The following RABGAP1L variants were observed in gnomAD, a reference collection of about 807,000 sequenced individuals.
RABGAP1L encodes the protein rab GTPase-activating protein 1-like.
In RABGAP1L, 63 loss-of-function variants were observed where a neutral mutation model predicts 137.7. The ratio of observed to expected loss-of-function variants is 0.46; its 90% CI spans 0.37 to 0.56. The LOEUF is 0.56. Among genes scored for constraint, RABGAP1L ranks in the 20% least tolerant of loss-of-function variants. The probability of loss-of-function intolerance (pLI) is 0.00; values close to 1 mark genes in which losing one functional copy is unlikely to be tolerated. For missense variants in RABGAP1L, 1,095 were observed against 1,244.0 expected (o/e 0.88, Z 1.80); for synonymous variants, 431 against 433.7 (o/e 0.99, Z 0.08).
chr1:174,748,839 C>T (rs989632298), intron 17 of RABGAP1L, among the ~76,000 whole-genome samples: 1 of 151,712 alleles, frequency 6.6e-6, no homozygotes, highest in African/African-American at 2.4e-5. Flanking sequence ...GGTGCCACTG[C>T]ACTCCAGTCT....
intron 13 of RABGAP1L, among the ~76,000 whole-genome samples, chr1:174,606,532 T>C (rs1670808358): frequency 6.6e-6 from 1 of 152,258 alleles, no homozygotes; most frequent in Admixed American, 6.5e-5. Flanking sequence ...TATTTGGCAT[T>C]TGATCAGAGG....
At chr1:174,482,641 G>A (rs911992806) in intron 13 of RABGAP1L, among the ~76,000 whole-genome samples, 2 of 152,026 alleles carry the variant, frequency 1.3e-5, no homozygotes, top group Non-Finnish European at 1.5e-5. Context: ...AGTGTGCCAC[G>A]TAATTTTTGT....
intron 13 of RABGAP1L, among the ~76,000 whole-genome samples, chr1:174,542,162 G>A (rs1366404217): frequency 1.3e-5 from 2 of 152,182 alleles, no homozygotes; most frequent in Admixed American, 1.3e-4. Flanking sequence ...AGTTTCAGAA[G>A]GAATGGTACC....
At chr1:174,465,230 C>T (rs893050953) in intron 13 of RABGAP1L, among the ~76,000 whole-genome samples, 5 of 152,276 alleles carry the variant, frequency 3.3e-5, no homozygotes, top group African/African-American at 1.2e-4. Context: ...GGCGGAGTCT[C>T]GCTCTGTCAC....
At chr1:174,516,298 G>A (rs1662842651) in intron 13 of RABGAP1L, among the ~76,000 whole-genome samples, 1 of 152,080 alleles carries the variant, frequency 6.6e-6, no homozygotes, top group African/African-American at 2.4e-5. Context: ...TGGGACTATA[G>A]GCATATGCCA....
At chr1:174,591,085 A>G (rs1344990294) in intron 13 of RABGAP1L, among the ~76,000 whole-genome samples, 1 of 73,928 alleles carries the variant, frequency 1.4e-5, no homozygotes, top group African/African-American at 8.6e-5. Flanking sequence ...TTTGATTTGC[A>G]TTTCTCTCAT....
intron 13 of RABGAP1L, among the ~76,000 whole-genome samples, chr1:174,602,145 C>A (rs1015137801): frequency 6.6e-6 from 1 of 152,138 alleles, no homozygotes; most frequent in Non-Finnish European, 1.5e-5. Context: ...TTCGTCAACG[C>A]CCCACTCTAT....
At chr1:174,633,041 GGCAGGA>G in intron 13 of RABGAP1L, among the ~76,000 whole-genome samples, 1 of 152,088 alleles carries the variant, frequency 6.6e-6, no homozygotes, top group Non-Finnish European at 1.5e-5. Flanking sequence ...AGGGCAGTCA[GGCAGGA>G]GAAGGAAATA....
chr1:174,249,492 G>C (rs1672540047), intron 5 of RABGAP1L, among the ~76,000 whole-genome samples: 1 of 151,858 alleles, frequency 6.6e-6, no homozygotes, highest in African/African-American at 2.4e-5. Flanking sequence ...TTGAAGCCTA[G>C]AAATATCTAT....
chr1:174,329,627 C>T (rs1680837680), intron 11 of RABGAP1L, among the ~76,000 whole-genome samples: 1 of 152,026 alleles, frequency 6.6e-6, no homozygotes, highest in South Asian at 2.1e-4. Flanking sequence ...AGGTAATTCA[C>T]CATTATCTAG....
chr1:174,219,924 A>G (rs920365847), intron 2 of RABGAP1L, among the ~76,000 whole-genome samples: 1 of 152,248 alleles, frequency 6.6e-6, no homozygotes, highest in African/African-American at 2.4e-5. Context: ...TATATTACTT[A>G]TGACTTTTAT....
intron 19 of RABGAP1L, among the ~76,000 whole-genome samples, chr1:174,955,045 G>A (rs992262898): frequency 1.3e-5 from 2 of 152,174 alleles, no homozygotes; most frequent in African/African-American, 4.8e-5. Flanking sequence ...TATTTCCCTT[G>A]TTTATCTAAT....
At chr1:174,799,820 G>A (rs1254777750) in intron 18 of RABGAP1L, 1 of 997,576 alleles carries the variant, frequency 1.0e-6, no homozygotes, top group Non-Finnish European at 1.2e-6. Context: ...ACGAATCGAG[G>A]ATTGCAATGA....
intron 14 of RABGAP1L, among the ~76,000 whole-genome samples, chr1:174,643,893 T>C (rs1674724193): frequency 6.6e-6 from 1 of 150,952 alleles, no homozygotes. Context: ...CAACCCAAAG[T>C]TGAAAAACTT....
rs373144770 is a variant in RABGAP1L at position 174,761,943 on chromosome 1, G to A, written c.2211+9589G>A. 3.9e-5 allele frequency among the ~76,000 whole-genome samples: 6 copies of A among 152,076 alleles called. No individual in the cohort carries two copies. The highest frequency in any genetic ancestry group is 4.8e-5 in the African/African-American group (2 of 41,412). On this transcript the variant is annotated intron_variant, in intron 18 of 25. Coordinates refer to ENST00000681986, the MANE Select transcript of RABGAP1L (RefSeq NM_001366446.1). The surrounding 1 kb of genome is among the most constrained non-coding windows in gnomAD (Gnocchi z 4.0). ...TATTATGGGGAAAAGGAAAAGTACCGCAGGGTGATGGGAGTTATGGGTAGG... is the reference window on the plus strand; with the variant it reads ...TATTATGGGGAAAAGGAAAAGTACCACAGGGTGATGGGAGTTATGGGTAGG...
chr1:174,456,465 A>C (rs1335749317), intron 13 of RABGAP1L, among the ~76,000 whole-genome samples: 1 of 151,978 alleles, frequency 6.6e-6, no homozygotes, highest in East Asian at 1.9e-4. Context: ...ATAGATTTGC[A>C]ATGTTGTTGA....
At chr1:174,935,543 A>T (rs1327152550) in intron 19 of RABGAP1L, 1 of 152,244 alleles carries the variant, frequency 6.6e-6, no homozygotes, top group African/African-American at 2.4e-5. Flanking sequence ...GAATTCTGAA[A>T]ATTATAACAT....
At chr1:174,687,146 G>A (rs928985733) in intron 15 of RABGAP1L, among the ~76,000 whole-genome samples, 4 of 151,928 alleles carry the variant, frequency 2.6e-5, no homozygotes, top group African/African-American at 4.8e-5. Flanking sequence ...CACCCCGTCC[G>A]CAAAGAGAGA....
At chr1:174,881,594 G>T (rs565512003) in intron 19 of RABGAP1L, among the ~76,000 whole-genome samples, 58 of 148,062 alleles carry the variant, frequency 3.9e-4, no homozygotes, top group Non-Finnish European at 6.5e-4. Flanking sequence ...TCGCCTCCTG[G>T]GTTCAAGCAA....
Sources: gnomAD v4.1 joint callset for allele counts (sites outside exome capture counted in the v4.1 genomes callset) on GRCh38, gnomAD v4.1.1 for gene constraint, Gnocchi (gnomAD v3.1) non-coding constraint, MANE v1.5 for transcripts, NCBI Gene and HGNC (gene_info 2026-07-23, HGNC 2026-07-21) for gene names.